PRMT3: variants seen among roughly 807,000 people sequenced by gnomAD.
PRMT3 encodes protein arginine N-methyltransferase 3.
Under a neutral mutation model 71.9 loss-of-function variants are expected in PRMT3, and 62 were observed. The observed-to-expected ratio is 0.86, with a 90% CI of 0.70 to 1.07. PRMT3 has a LOEUF of 1.07. Ranked by LOEUF, PRMT3 falls within the 50% of genes least tolerant of loss-of-function variation. The pLI is 0.00. For missense variants in PRMT3, 663 were observed against 643.0 expected, an observed-to-expected ratio of 1.03 and a Z score of -0.34; for synonymous variants, 213 against 220.4, an observed-to-expected ratio of 0.97 and a Z score of 0.30.
intron 10 of PRMT3, among the ~76,000 whole-genome samples, chr11:20,450,931 G>A (rs889874249): frequency 1.6e-4 from 24 of 152,122 alleles, no homozygotes; most frequent in African/African-American, 5.1e-4. Context: ...GAATGCTAAA[G>A]TAAAGGTAAA....
chr11:20,438,402 T>C (rs969279671), intron 10 of PRMT3, among the ~76,000 whole-genome samples: 1 of 151,990 alleles, frequency 6.6e-6, no homozygotes, highest in Non-Finnish European at 1.5e-5. Context: ...AGCTCAGCTG[T>C]CATTTGGGCC....
chr11:20,426,936 GAATTT>G, intron 10 of PRMT3, 71 bp downstream of exon 10: 1 of 1,440,414 alleles, frequency 6.9e-7, no homozygotes, highest in Non-Finnish European at 9.1e-7. Context: ...TAGTTTTCAT[GAATTT>G]AATTATATTT....
chr11:20,447,182 CAGT>C (rs1336824534), intron 10 of PRMT3, among the ~76,000 whole-genome samples: 1 of 151,484 alleles, frequency 6.6e-6, no homozygotes, highest in Admixed American at 6.6e-5. Flanking sequence ...GCAGAGAACA[CAGT>C]AGATTAGGAA....
chr11:20,482,397 C>T (rs1218692093), intron 13 of PRMT3, among the ~76,000 whole-genome samples: 1 of 151,914 alleles, frequency 6.6e-6, no homozygotes, highest in African/African-American at 2.4e-5. Flanking sequence ...TGCTTGAAAT[C>T]AGCAATGTTG....
chr11:20,450,049 CAG>C (rs1850114387), intron 10 of PRMT3, among the ~76,000 whole-genome samples: 1 of 152,040 alleles, frequency 6.6e-6, no homozygotes, highest in South Asian at 2.1e-4. Context: ...GTAGGAACAT[CAG>C]AGAAATTCTT....
At chr11:20,438,562 C>G (rs1023701130) in intron 10 of PRMT3, among the ~76,000 whole-genome samples, 18 of 152,216 alleles carry the variant, frequency 1.2e-4, no homozygotes, top group Admixed American at 2.6e-4. Context: ...CTCAGCTCAG[C>G]CACTGCTCTT....
chr11:20,432,424 T>C (rs910498769), intron 10 of PRMT3, among the ~76,000 whole-genome samples: 1 of 152,146 alleles, frequency 6.6e-6, no homozygotes, highest in Admixed American at 6.6e-5. Context: ...CTGTATATTG[T>C]GTATATATGT....
At chr11:20,447,246 A>G (rs1160443) in intron 10 of PRMT3, among the ~76,000 whole-genome samples, 127,174 of 151,846 alleles carry the variant, frequency 0.84, 54,676 homozygotes, top group Non-Finnish European at 0.95. Context: ...GTGGTTTTCA[A>G]TGGGGTGGAA....
At chr11:20,452,833 C>G (rs943127862) in intron 11 of PRMT3, among the ~76,000 whole-genome samples, 2 of 152,168 alleles carry the variant, frequency 1.3e-5, no homozygotes, top group Non-Finnish European at 2.9e-5. Context: ...TATATACATA[C>G]AAAATAATTG....
At chr11:20,432,544 A>C (rs1473470571) in intron 10 of PRMT3, among the ~76,000 whole-genome samples, 1 of 152,078 alleles carries the variant, frequency 6.6e-6, no homozygotes, top group Non-Finnish European at 1.5e-5. Flanking sequence ...TTTCTTTGAC[A>C]TTCTGTTTTC....
At chr11:20,428,820 T>A (rs1339244345) in intron 10 of PRMT3, among the ~76,000 whole-genome samples, 2 of 152,238 alleles carry the variant, frequency 1.3e-5, no homozygotes, top group East Asian at 3.9e-4. Flanking sequence ...AGGGCATTTC[T>A]TCCCTTCTTA....
chr11:20,488,374 T>TA (rs1409153411), intron 13 of PRMT3, among the ~76,000 whole-genome samples: 1 of 152,220 alleles, frequency 6.6e-6, no homozygotes, highest in East Asian at 1.9e-4. Context: ...ATTGTCTGCT[T>TA]ACTCTTTCTT....
At chr11:20,494,534 A>G (rs1161047719) in intron 15 of PRMT3, among the ~76,000 whole-genome samples, 3 of 152,068 alleles carry the variant, frequency 2.0e-5, no homozygotes, top group Non-Finnish European at 2.9e-5. Context: ...GGGTTTCACC[A>G]TGTTGGTCCC....
At chr11:20,415,211 A>C (rs2133334667) in intron 9 of PRMT3, among the ~76,000 whole-genome samples, 1 of 152,268 alleles carries the variant, frequency 6.6e-6, no homozygotes, top group Non-Finnish European at 1.5e-5. Flanking sequence ...GGTTTTAAAA[A>C]AAATTTGTTC....
At chr11:20,411,654 C>A (rs1023562908) in intron 9 of PRMT3, among the ~76,000 whole-genome samples, 1 of 151,978 alleles carries the variant, frequency 6.6e-6, no homozygotes, top group African/African-American at 2.4e-5. Flanking sequence ...TCACTACTAA[C>A]CATGGAGAGT....
At chr11:20,463,116 G>A (rs993751922) in intron 12 of PRMT3, among the ~76,000 whole-genome samples, 6 of 152,126 alleles carry the variant, frequency 3.9e-5, no homozygotes, top group South Asian at 2.1e-4. Flanking sequence ...CGCCTGCCTC[G>A]GCCTCCCGAA....
chr11:20,405,344 C>A (rs897208853), intron 8 of PRMT3: 1 of 150,844 alleles, frequency 6.6e-6, no homozygotes, highest in African/African-American at 2.4e-5. Flanking sequence ...AAAAATGAAT[C>A]AAATTTCCTC....
intron 7 of PRMT3, 67 bp from the exon 8 acceptor site, chr11:20,402,852 T>C (rs369862086): frequency 7.9e-7 from 1 of 1,264,224 alleles, no homozygotes; most frequent in African/African-American, 1.5e-5. Context: ...ATGGCAAATA[T>C]CTCCCTTAAA....
intron 8 of PRMT3, chr11:20,407,090 A>G (rs1849087666): frequency 6.6e-6 from 1 of 152,230 alleles, no homozygotes; most frequent in Admixed American, 6.5e-5. Flanking sequence ...GGTATATACC[A>G]TGTATGGTGT....
Sources: allele counts gnomAD v4.1 joint callset (sites outside exome capture counted in the v4.1 genomes callset), GRCh38; gene constraint gnomAD v4.1.1; transcripts MANE v1.5; gene names NCBI Gene and HGNC (gene_info 2026-07-23, HGNC 2026-07-21).